OR4F3: variants seen among roughly 807,000 people sequenced by gnomAD.
OR4F3 encodes the protein olfactory receptor family 4 subfamily F member 3.
the OR4F3 span, among the ~76,000 whole-genome samples, chr5:181,359,158 G>T: frequency 5.4e-5 from 7 of 130,252 alleles, 2 homozygotes; most frequent in African/African-American, 2.3e-4. Flanking sequence ...ATTTTTGAGA[G>T]AATCCTAAAT....
chr5:181,359,197 A>G, the OR4F3 span, among the ~76,000 whole-genome samples: 2 of 125,752 alleles, frequency 1.6e-5, no homozygotes, highest in Admixed American at 7.6e-5. Flanking sequence ...TTTAATATCT[A>G]TGTAATTTTA....
chr5:181,354,443 A>C, the OR4F3 span, among the ~76,000 whole-genome samples: 2 of 131,152 alleles, frequency 1.5e-5, 1 homozygote, highest in Non-Finnish European at 3.2e-5. Context: ...GAATGTATGG[A>C]AATGCCTGGA....
At chr5:181,358,251 T>C in the OR4F3 span, among the ~76,000 whole-genome samples, 1 of 130,462 alleles carries the variant, frequency 7.7e-6, no homozygotes, top group African/African-American at 3.2e-5. Context: ...CTAGTATTTT[T>C]ATAAAGGTCA....
chr5:181,362,473 C>G, upstream of OR4F3, among the ~76,000 whole-genome samples: 1 of 124,104 alleles, frequency 8.1e-6, no homozygotes, highest in Non-Finnish European at 1.6e-5. Flanking sequence ...GAGGACAAAA[C>G]TTCTTCCTGC....
chr5:181,363,740 C>CT (rs1402942286), upstream of OR4F3, among the ~76,000 whole-genome samples: 2 of 86,120 alleles, frequency 2.3e-5, no homozygotes, highest in Admixed American at 9.9e-5. Flanking sequence ...AACAAGTATA[C>CT]TTTTTCCAGT....
upstream of OR4F3, among the ~76,000 whole-genome samples, chr5:181,362,376 C>T (rs754985217): frequency 7.4e-4 from 87 of 117,364 alleles, 20 homozygotes; most frequent in Non-Finnish European, 1.3e-3. Flanking sequence ...TCATAAAAGA[C>T]ATTTTTTTTT....
the OR4F3 span, among the ~76,000 whole-genome samples, chr5:181,354,678 G>A: frequency 2.7e-5 from 3 of 111,762 alleles, no homozygotes; most frequent in Middle Eastern, 0.014. Flanking sequence ...GCCAGCCTGT[G>A]AAAGCAACCG....
the OR4F3 span, among the ~76,000 whole-genome samples, chr5:181,357,633 AT>A: frequency 0.06 from 634 of 10,638 alleles, 4 homozygotes; most frequent in African/African-American, 0.21. Flanking sequence ...TGGGGACTCT[AT>A]TTTTTTTTTT....
chr5:181,362,535 TG>T (rs1338544218), upstream of OR4F3, among the ~76,000 whole-genome samples: 24 of 123,194 alleles, frequency 1.9e-4, no homozygotes, highest in African/African-American at 7.5e-4. Context: ...AATTTTTTTT[TG>T]GGGGGGGTGC....
chr5:181,354,486 T>C, the OR4F3 span, among the ~76,000 whole-genome samples: 1 of 132,692 alleles, frequency 7.5e-6, no homozygotes, highest in Non-Finnish European at 1.6e-5. Context: ...AGGGGTGGTC[T>C]TCATGGAGAA....
the OR4F3 span, among the ~76,000 whole-genome samples, chr5:181,362,045 A>G: frequency 1.1e-3 from 112 of 98,368 alleles, no homozygotes; most frequent in South Asian, 3.0e-3. Context: ...GTGACTAGGA[A>G]TTTGGTCTTG....
chr5:181,350,415 CTG>C, the OR4F3 span, among the ~76,000 whole-genome samples: 208 of 10,860 alleles, frequency 0.019, 2 homozygotes, highest in African/African-American at 0.085. Flanking sequence ...ACTATTCTGA[CTG>C]TGGCAGGAGT....
chr5:181,358,222 G>T, the OR4F3 span, among the ~76,000 whole-genome samples: 1 of 126,460 alleles, frequency 7.9e-6, no homozygotes, highest in Non-Finnish European at 1.6e-5. Context: ...TGTACCTTAT[G>T]TAATTTTCCC....
the OR4F3 span, among the ~76,000 whole-genome samples, chr5:181,359,193 A>G: frequency 7.9e-6 from 1 of 126,854 alleles, no homozygotes; most frequent in Admixed American, 7.6e-5. Flanking sequence ...ACCTTTTAAT[A>G]TCTATGTAAT....
At chr5:181,357,030 T>G in the OR4F3 span, among the ~76,000 whole-genome samples, 5 of 135,386 alleles carry the variant, frequency 3.7e-5, no homozygotes, top group African/African-American at 1.5e-4. Context: ...ATGTGCTGTA[T>G]AAATTATATT....
the OR4F3 span, among the ~76,000 whole-genome samples, chr5:181,356,361 T>TTCACTACTTATTTCA: frequency 7.8e-6 from 1 of 127,526 alleles, no homozygotes; most frequent in African/African-American, 3.4e-5. Flanking sequence ...GCTTTGTAAT[T>TTCACTACTTATTTCA]GACTCACCTG....
the OR4F3 span, among the ~76,000 whole-genome samples, chr5:181,358,159 CAT>C: frequency 4.6e-5 from 5 of 107,844 alleles, no homozygotes; most frequent in African/African-American, 2.1e-4. Flanking sequence ...TTTTAAAAAA[CAT>C]AGAAAATTTG....
the OR4F3 span, among the ~76,000 whole-genome samples, chr5:181,360,951 C>T: frequency 8.3e-6 from 1 of 119,918 alleles, no homozygotes; most frequent in African/African-American, 3.9e-5. Flanking sequence ...TATACAATTA[C>T]ATGTTGAATT....
chr5:181,356,630 T>C, the OR4F3 span, among the ~76,000 whole-genome samples: 1 of 136,628 alleles, frequency 7.3e-6, no homozygotes, highest in Non-Finnish European at 1.6e-5. Context: ...GGAAAACCTT[T>C]GTTCTCCACT....
Sources: allele counts gnomAD v4.1 joint callset (sites outside exome capture counted in the v4.1 genomes callset), GRCh38; gene constraint gnomAD v4.1.1; transcripts MANE v1.5; gene names NCBI Gene and HGNC (gene_info 2026-07-23, HGNC 2026-07-21).